Variants in GLRA2 observed in about 807,000 individuals in gnomAD.
GLRA2 encodes glycine receptor subunit alpha-2.
GLRA2 carries 11 observed loss-of-function variants against 31.6 expected under a neutral mutation model. The ratio of observed to expected loss-of-function variants is 0.35; its 90% CI spans 0.22 to 0.58. The LOEUF is 0.58. GLRA2 is among the 20% of genes least tolerant of loss of function. GLRA2 has a pLI of 0.84. For synonymous variants in GLRA2, 132 were observed against 134.0 expected (o/e 0.99, Z 0.10); for missense variants, 212 against 351.8 (o/e 0.60, Z 3.18).
At chrX:14,578,631 C>T (rs1475444543) in intron 3 of GLRA2, among the ~76,000 whole-genome samples, 4 of 111,164 alleles carry the variant, frequency 3.6e-5, no homozygotes, top group South Asian at 3.7e-4. Flanking sequence ...GTGAGTTTAC[C>T]GTTTTCTTTT....
chrX:14,520,321 A>G, the GLRA2 span, among the ~76,000 whole-genome samples: 2 of 112,638 alleles, frequency 1.8e-5, no homozygotes. Flanking sequence ...TCTCATTGTT[A>G]TTCATTATTA....
intron 7 of GLRA2, among the ~76,000 whole-genome samples, chrX:14,621,264 A>G (rs929875339): frequency 9.0e-6 from 1 of 111,399 alleles, no homozygotes; most frequent in Admixed American, 9.5e-5. Flanking sequence ...GAGATTTCAC[A>G]GGTTTCCCAG....
intron 7 of GLRA2, among the ~76,000 whole-genome samples, chrX:14,613,516 C>T (rs2090423570): frequency 9.0e-6 from 1 of 111,680 alleles, no homozygotes; most frequent in Non-Finnish European, 1.9e-5. Context: ...TACAGCATAA[C>T]AACTATACAA....
At chrX:14,454,471 T>A in the GLRA2 span, among the ~76,000 whole-genome samples, 64 of 111,031 alleles carry the variant, frequency 5.8e-4, no homozygotes, top group Non-Finnish European at 1.1e-3. Flanking sequence ...AATAATAATG[T>A]TTGGATTGTA....
At chrX:14,508,564 G>A in the GLRA2 span, among the ~76,000 whole-genome samples, 1 of 111,684 alleles carries the variant, frequency 9.0e-6, no homozygotes, top group African/African-American at 3.3e-5. Flanking sequence ...TATAGACACA[G>A]GAGGGACACT....
chrX:14,532,283 C>A lies in GLRA2; in HGVS notation c.113C>A (p.Pro38His), dbSNP rs779420630. The A allele has an allele frequency of 2.5e-6, 3 of 1,180,628 alleles. No homozygotes were observed. The highest frequency in any genetic ancestry group is 3.4e-6 in the Non-Finnish European group (3 of 871,753). Residue 38 changes from proline (P) to histidine (H), a missense_variant, in exon 2 of 9, where the codon CCT (proline) becomes CAT (histidine). Transcript: ENST00000218075. Reference sequence around the variant, plus strand: ...CATGACTCCAGGTCTGGAAAACAACCTTCACAGACCCTATCTCCTTCAGAT... The same window carrying A: ...CATGACTCCAGGTCTGGAAAACAACATTCACAGACCCTATCTCCTTCAGAT... ...KDHDSRSGKQ[P>H]SQTLSPSDFL... is the part of the protein sequence containing the mutation.
the GLRA2 span, among the ~76,000 whole-genome samples, chrX:14,501,021 A>G: frequency 9.1e-6 from 1 of 110,411 alleles, no homozygotes; most frequent in Non-Finnish European, 1.9e-5. Context: ...ATGATTTTTC[A>G]TAAGAAAACA....
chrX:14,623,727 G>A (rs1448987387), intron 7 of GLRA2, among the ~76,000 whole-genome samples: 1 of 111,461 alleles, frequency 9.0e-6, no homozygotes, highest in African/African-American at 3.3e-5. Context: ...TAAGCTTTTT[G>A]ATGTGCTGCT....
At chrX:14,468,021 A>G in the GLRA2 span, among the ~76,000 whole-genome samples, 1 of 111,643 alleles carries the variant, frequency 9.0e-6, no homozygotes. Flanking sequence ...GGGTGCATCA[A>G]TGTTAGGTTG....
the GLRA2 span, among the ~76,000 whole-genome samples, chrX:14,457,092 G>T: frequency 9.0e-6 from 1 of 111,343 alleles, no homozygotes; most frequent in Non-Finnish European, 1.9e-5. Flanking sequence ...GTTTTGTTTT[G>T]CGTTTTTCTG....
At chrX:14,542,603 C>T (rs994261478) in intron 2 of GLRA2, among the ~76,000 whole-genome samples, 3 of 109,360 alleles carry the variant, frequency 2.7e-5, no homozygotes, top group African/African-American at 1.0e-4. Context: ...TATCTTGAGA[C>T]CAGTCCTTAT....
chrX:14,544,744 T>A (rs2089455105), intron 2 of GLRA2, among the ~76,000 whole-genome samples: 1 of 111,672 alleles, frequency 9.0e-6, no homozygotes, highest in Middle Eastern at 4.2e-3. Context: ...AAATGAAATG[T>A]CTTTGAAATA....
intron 4 of GLRA2, among the ~76,000 whole-genome samples, chrX:14,585,693 A>C (rs1214062653): frequency 1.8e-5 from 2 of 111,977 alleles, no homozygotes; most frequent in Admixed American, 9.5e-5. Flanking sequence ...AATCCATACT[A>C]AACTCTAAAG....
At chrX:14,493,653 ATG>A in the GLRA2 span, among the ~76,000 whole-genome samples, 3 of 98,651 alleles carry the variant, frequency 3.0e-5, 1 homozygote, top group African/African-American at 1.2e-4. Flanking sequence ...ATATATACAT[ATG>A]TACACATATA....
intron 4 of GLRA2, among the ~76,000 whole-genome samples, chrX:14,593,353 C>A (rs762190042): frequency 3.6e-5 from 4 of 111,964 alleles, no homozygotes; most frequent in Non-Finnish European, 5.6e-5. Flanking sequence ...TTATTAAGTA[C>A]GTATATTAAT....
intron 4 of GLRA2, among the ~76,000 whole-genome samples, chrX:14,585,239 G>T (rs2090067439): frequency 9.0e-6 from 1 of 111,584 alleles, no homozygotes; most frequent in African/African-American, 3.3e-5. Context: ...GCCTAGAAGG[G>T]CTTTTGATGA....
chrX:14,606,156 A>G (rs2090331626), intron 5 of GLRA2, among the ~76,000 whole-genome samples: 3 of 45,770 alleles, frequency 6.6e-5, no homozygotes, highest in African/African-American at 2.9e-4. Flanking sequence ...CCATAAACTT[A>G]AAAAAAAAAA....
At chrX:14,685,130 A>G (rs1172687101) in intron 7 of GLRA2, among the ~76,000 whole-genome samples, 34 of 111,668 alleles carry the variant, frequency 3.0e-4, no homozygotes, top group African/African-American at 1.0e-3. Context: ...ATTGATTTGC[A>G]TATGTTGAAC....
At chrX:14,717,045 C>A (rs1040252723) in intron 8 of GLRA2, among the ~76,000 whole-genome samples, 4 of 111,357 alleles carry the variant, frequency 3.6e-5, no homozygotes, top group South Asian at 7.6e-4. Flanking sequence ...AAAGCAACAA[C>A]AAATCTGACG....
Sources: allele counts gnomAD v4.1 joint callset (sites outside exome capture counted in the v4.1 genomes callset), GRCh38; gene constraint gnomAD v4.1.1; transcripts MANE v1.5; gene names NCBI Gene and HGNC (gene_info 2026-07-23, HGNC 2026-07-21).